Variants in NBPF14 observed in about 807,000 individuals in gnomAD.
The protein encoded by NBPF14 is NBPF member 14, also known as NBPF family member NBPF14.
NBPF14 carries 104 observed loss-of-function variants against 91.2 expected under a neutral mutation model. That is an observed-to-expected ratio of 1.14 (90% CI 0.97 to 1.34). The LOEUF is 1.34. Ranked by LOEUF, NBPF14 falls within the 40% of genes most tolerant of loss-of-function variation. The pLI is 0.00. For missense variants in NBPF14, 908 were observed against 783.0 expected (o/e 1.16, Z -1.91); for synonymous variants, 294 against 303.8 (o/e 0.97, Z 0.34).
At chr1:148,591,144 G>A (rs1662396981) in intron 5 of NBPF14, among the ~76,000 whole-genome samples, 176 bp from the exon 6 acceptor site, 1 of 145,812 alleles carries the variant, frequency 6.9e-6, no homozygotes, top group African/African-American at 2.5e-5. Context: ...GACCATGGCT[G>A]CCATGGGAGC....
At chr1:148,566,622 G>C (rs1425005651) in intron 28 of NBPF14, among the ~76,000 whole-genome samples, 2 of 140,728 alleles carry the variant, frequency 1.4e-5, no homozygotes, top group South Asian at 4.7e-4. Flanking sequence ...GACACTCTGA[G>C]TTAGTGCCCT....
chr1:148,566,797 T>C (rs1658534550), intron 28 of NBPF14, among the ~76,000 whole-genome samples, 155 bp downstream of exon 28: 1 of 93,658 alleles, frequency 1.1e-5, no homozygotes, highest in Non-Finnish European at 2.1e-5. Context: ...GAAACCTAAA[T>C]ATCTACTGCA....
rs1400587512 is a variant in NBPF14 at position 148,572,552 on chromosome 1, A to G, written c.2649T>C (p.Cys883=). 7 of 654,576 alleles carry G rather than the reference A, an allele frequency of 1.1e-5. No individual in the cohort carries two copies. In the East Asian group the frequency reaches 1.6e-4, roughly 15 times the overall value. The allele number at this position is 654,576 out of a possible 1,614,324, so 40.5% of individuals were successfully genotyped here. ...CAAGATAACCTGAAGGAGTCGAATA[A>G]CATCTATCCAGTGAGTCCTGCAAGA... is the stretch of plus-strand genomic sequence containing the variant. Residue 883 remains cysteine, a synonymous_variant, in exon 21 of 71, where the codon TGT becomes TGC. Transcript: ENST00000619423.
In NBPF14 at chr1:148,559,880, G is replaced by C; in HGVS notation, c.4642C>G (p.Leu1548Val). 9 of 1,388,148 alleles carry C rather than the reference G, an allele frequency of 6.5e-6. 2 individuals are homozygous for C. The highest frequency in any genetic ancestry group is 2.5e-5 in the South Asian group (2 of 78,792). 86.0% of individuals were successfully genotyped at this position (1,388,148 alleles called of 1,614,324 possible). The change falls in exon 37 of 71, where the codon CTT becomes GTT. Residue 1548 changes from leucine (L) to valine (V), a missense_variant. This residue lies in a region of NBPF14 where 447 missense variants were observed against 189.1 expected (regional missense o/e 2.36). Coordinates refer to ENST00000619423, the Ensembl canonical transcript of NBPF14. ...GGCTGGCATGAGTCAGTCAGTTCAA[G>C]ACAACCTGAAGGAGTTGAATAACAT...
intron 3 of NBPF14, among the ~76,000 whole-genome samples, chr1:148,593,040 A>T (rs1281774761): frequency 2.0e-5 from 3 of 146,508 alleles, no homozygotes; most frequent in African/African-American, 7.4e-5. Context: ...ATTCCGTTTC[A>T]AAAAGACATC....
chr1:148,595,102 T>C (rs1663099113), intron 2 of NBPF14, among the ~76,000 whole-genome samples: 1 of 142,468 alleles, frequency 7.0e-6, no homozygotes, highest in East Asian at 2.0e-4. Flanking sequence ...ATCACCAAGT[T>C]CCCCTCAGAG....
At chr1:148,557,087 C>CAG (rs1189799829) in intron 40 of NBPF14, among the ~76,000 whole-genome samples, 1 of 107,260 alleles carries the variant, frequency 9.3e-6, no homozygotes, top group Non-Finnish European at 1.7e-5. Flanking sequence ...CACACACACA[C>CAG]AGAGAGAGAG....
intron 3 of NBPF14, 74 bp from the exon 4 acceptor site, chr1:148,592,840 T>G: frequency 9.7e-7 from 1 of 1,033,854 alleles, no homozygotes; most frequent in Admixed American, 2.0e-5. Context: ...CAACAGAGAC[T>G]TCTGAGACAA....
intron 69 of NBPF14, among the ~76,000 whole-genome samples, 181 bp from the exon 70 acceptor site, chr1:148,534,150 C>G (rs1186562869): frequency 6.8e-6 from 1 of 147,430 alleles, no homozygotes; most frequent in Non-Finnish European, 1.5e-5. Flanking sequence ...GTTTTTCTCC[C>G]AGAAACTGTG....
rs1220216928 is a variant in NBPF14 at position 148,559,844 on chromosome 1, C to T, written c.4678G>A (p.Ala1560Thr). ...CGCTGCTGCTCCAATATGTAAAAGG[C>T]ACTTCTATAGGGCTGGCATGAGTCA... The change falls in exon 37 of 71, where the codon GCC becomes ACC. Residue 1560 changes from alanine to threonine, a missense_variant. This residue lies in a region of NBPF14 where 447 missense variants were observed against 189.1 expected (regional missense o/e 2.36). Transcript: ENST00000619423. 8.5e-6 allele frequency: 13 copies of T among 1,528,140 alleles called. 2 individuals are homozygous for T. In the East Asian group the frequency reaches 9.9e-5, roughly 12 times the overall value. 94.7% of individuals were successfully genotyped at this position (1,528,140 alleles called of 1,614,324 possible). A position where few individuals can be genotyped will look rare whatever the true frequency, so the allele number is the denominator to read the frequency against.
At chr1:148,565,848 T>A (rs1444338765) in intron 29 of NBPF14, among the ~76,000 whole-genome samples, 81 of 7,562 alleles carry the variant, frequency 0.011, no homozygotes, top group African/African-American at 0.039. Flanking sequence ...TACAAACCCT[T>A]GAGTCAAAAT....
At chr1:148,560,262 T>G (rs1417809258) in intron 36 of NBPF14, among the ~76,000 whole-genome samples, 1 of 146,444 alleles carries the variant, frequency 6.8e-6, no homozygotes, top group Non-Finnish European at 1.5e-5. Flanking sequence ...CACTCTGAGT[T>G]AGTGCCCTCA....
Position 148,557,742 on chromosome 1 carries a change from C to T in NBPF14, c.4955-200G>A, listed in dbSNP as rs1289187518. Among the ~76,000 whole-genome samples the T allele has an allele frequency of 2.4e-5, 3 of 127,528 alleles. No homozygotes were observed. The East Asian group carries it at 7.2e-4, about 31-fold the overall frequency. The allele number at this position is 127,528 out of a possible 152,430, so 83.7% of individuals were successfully genotyped here. ...CTCAGAACCAAGGGTGAAATATCCC[C>T]ATTCTGGTAGATCGTTATCCCAAAA... On this transcript the variant is annotated intron_variant, in intron 39 of 70. Transcript: ENST00000619423.
At position 148,559,586 on chromosome 1, in the gene NBPF14, T is replaced by G. The variant is rs1380651069; in HGVS notation, c.4729+207A>C. Reference sequence around the variant, plus strand: ...GGATTAGGGCGCCACAGGCATGGCCTGAGACTAGGAAGAGAGCCTTGCTCA... The same window carrying G: ...GGATTAGGGCGCCACAGGCATGGCCGGAGACTAGGAAGAGAGCCTTGCTCA... On this transcript the variant is annotated intron_variant, in intron 37 of 70. Coordinates refer to ENST00000619423, the Ensembl canonical transcript of NBPF14. 3.2e-5 allele frequency among the ~76,000 whole-genome samples: 4 copies of G among 123,514 alleles called. 1 individual carries two copies. Among genetic ancestry groups the G allele is most frequent in the African/African-American group, 1.7e-4 (4 of 23,120 alleles). The allele number at this position is 123,514 out of a possible 152,430, so 81.0% of individuals were successfully genotyped here. A position where few individuals can be genotyped will look rare whatever the true frequency, so the allele number is the denominator to read the frequency against.
rs1459382054 is a variant in NBPF14, at chr1:148,572,726, A to G, written c.2586-111T>C. On this transcript the variant is annotated intron_variant, in intron 20 of 70. Transcript: ENST00000619423. ...AAGAGTTTGAAAAGAAAAAGGACAG[A>G]TCCATTAATGAGGTAACAAATTATT... The G allele has an allele frequency of 6.7e-3, 4,152 of 617,222 alleles. 515 individuals are homozygous for G. The highest frequency in any genetic ancestry group is 9.3e-3 in the Non-Finnish European group (3,281 of 351,508). The allele number at this position is 617,222 out of a possible 1,614,324, so 38.2% of individuals were successfully genotyped here. A position where few individuals can be genotyped will look rare whatever the true frequency, so the allele number is the denominator to read the frequency against.
At chr1:148,566,371 C>T (rs1435601421) in intron 28 of NBPF14, 56 bp from the exon 29 acceptor site, 17 of 749,404 alleles carry the variant, frequency 2.3e-5, no homozygotes, top group African/African-American at 1.3e-4. Context: ...CACAACAGAG[C>T]CTCAACTAGG....
chr1:148,577,543 G>GACACACAC (rs1184575767), intron 14 of NBPF14, among the ~76,000 whole-genome samples, 188 bp from the exon 15 acceptor site: 19 of 141,244 alleles, frequency 1.3e-4, no homozygotes, highest in African/African-American at 4.7e-4. Flanking sequence ...GAACGAGAAA[G>GACACACAC]ACACACACAC....
chr1:148,534,543 T>C, intron 69 of NBPF14, 141 bp downstream of exon 69: 1 of 711,570 alleles, frequency 1.4e-6, no homozygotes, highest in Non-Finnish European at 2.6e-6. Context: ...GACTACAGTT[T>C]CATTACAACC....
chr1:148,559,853 A>C, exon 37 of NBPF14: 1 of 1,520,260 alleles, frequency 6.6e-7, no homozygotes, highest in Non-Finnish European at 8.8e-7. Context: ...GCACTTCTAT[A>C]GGGCTGGCAT....
Sources: gnomAD v4.1 joint callset for allele counts (sites outside exome capture counted in the v4.1 genomes callset) on GRCh38, gnomAD v4.1.1 for gene constraint, gnomAD v4.1.1 regional missense constraint, MANE v1.5 for transcripts, NCBI Gene and HGNC (gene_info 2026-07-23, HGNC 2026-07-21) for gene names.